Variants in DNAH17 observed in about 807,000 individuals in gnomAD.
DNAH17 encodes dynein axonemal heavy chain 17.
In DNAH17, 376 loss-of-function variants were observed where a neutral mutation model predicts 485.6. The ratio of observed to expected loss-of-function variants is 0.77; its 90% CI spans 0.71 to 0.84. The LOEUF is 0.84. Ranked by LOEUF, DNAH17 falls within the 40% of genes least tolerant of loss-of-function variation. The pLI is 0.00. For synonymous variants in DNAH17, 3,031 were observed against 2,405.9 expected (o/e 1.26, Z -7.60); for missense variants, 6,370 against 5,839.3 (o/e 1.09, Z -2.96).
intron 63 of DNAH17, 121 bp from the exon 64 acceptor site, chr17:78,454,826 T>C: frequency 1.2e-6 from 1 of 808,218 alleles, no homozygotes; most frequent in Non-Finnish European, 1.9e-6. Context: ...CAGGACGACC[T>C]GGGAGAAGCC....
In DNAH17 at chr17:78,505,803, A is replaced by AC. The variant is rs563875155; in HGVS notation, c.4804-359dup. On this transcript the variant is annotated intron_variant, in intron 30 of 80. Transcript: ENST00000389840. Reference sequence around the variant, plus strand: ...AGACCAGCCTGACCAATGTGGAGAAACCCCATCTCTACTAAAAATACAAAC... The same window carrying AC: ...AGACCAGCCTGACCAATGTGGAGAAACCCCCATCTCTACTAAAAATACAAAC... Among the ~76,000 whole-genome samples the AC allele has an allele frequency of 9.2e-5, 14 of 152,022 alleles. No homozygotes were observed. In the East Asian group the frequency reaches 2.7e-3, roughly 30 times the overall value.
At chr17:78,514,601 C>T (rs1412182248) in intron 26 of DNAH17, among the ~76,000 whole-genome samples, 173 bp downstream of exon 26, 1 of 152,118 alleles carries the variant, frequency 6.6e-6, no homozygotes, top group Non-Finnish European at 1.5e-5. Context: ...CCCCAACCAG[C>T]GTGGAGCCCA....
At chr17:78,454,363 A>T in intron 64 of DNAH17, 107 bp downstream of exon 64, 1 of 795,314 alleles carries the variant, frequency 1.3e-6, no homozygotes, top group Non-Finnish European at 2.0e-6. Flanking sequence ...CCTGTGGGCT[A>T]GTACTTGTAT....
chr17:78,507,245 G>A (rs1953720397), intron 29 of DNAH17, 33 bp downstream of exon 29: 1 of 1,609,704 alleles, frequency 6.2e-7, no homozygotes, highest in Admixed American at 1.7e-5. Context: ...CTGCACCACT[G>A]ACTCCCCTGG....
intron 15 of DNAH17, among the ~76,000 whole-genome samples, 180 bp downstream of exon 15, chr17:78,552,512 CTTTTT>C (rs35637364): frequency 1.5e-5 from 2 of 132,412 alleles, no homozygotes; most frequent in Non-Finnish European, 3.2e-5. Flanking sequence ...CACAGATGGG[CTTTTT>C]TTTTTTTTTT....
At chr17:78,447,483 T>C (rs2087358738) in intron 69 of DNAH17, among the ~76,000 whole-genome samples, 1 of 152,224 alleles carries the variant, frequency 6.6e-6, no homozygotes, top group South Asian at 2.1e-4. Context: ...AGCAGGTGGC[T>C]GGGAGCAGGG....
rs750434977 is a variant in DNAH17, at chr17:78,468,640, C to T, written c.8755G>A (p.Glu2919Lys). The T allele has an allele frequency of 7.4e-6, 12 of 1,613,438 alleles. No homozygotes were observed. Among genetic ancestry groups the T allele is most frequent in the East Asian group, 4.5e-5 (2 of 44,896 alleles). ...TRETCWKFFI[E>K]KVRRQLKVIL... ...ACCTTGAGCTGTCTGCGCACTTTTTCGATGAAGAACTTCCAACATGTTTCC... is the reference window on the plus strand; with the variant it reads ...ACCTTGAGCTGTCTGCGCACTTTTTTGATGAAGAACTTCCAACATGTTTCC... Residue 2919 changes from glutamate (E) to lysine (K), a missense_variant, in exon 55 of 81, where the codon GAA becomes AAA. Coordinates refer to ENST00000389840, the MANE Select transcript of DNAH17 (RefSeq NM_173628.4).
intron 1 of DNAH17, 31 bp from the exon 2 acceptor site, chr17:78,575,113 T>C (rs1016288428): frequency 4.9e-6 from 7 of 1,426,818 alleles, no homozygotes; most frequent in Non-Finnish European, 6.6e-6. Context: ...AGGTACGAAC[T>C]GTCTCCCGGG....
Position 78,532,866 on chromosome 17 carries a change from C to T in DNAH17, c.2860-130G>A, listed in dbSNP as rs964989612. Reference sequence around the variant, plus strand: ...GCTTCCAATCTCTCATGATGACCTGCTCTTTTTCCAGCCTGGGCCGATCAC... The same window carrying T: ...GCTTCCAATCTCTCATGATGACCTGTTCTTTTTCCAGCCTGGGCCGATCAC... On this transcript the variant is annotated intron_variant, in intron 19 of 80. Transcript: ENST00000389840. 2.0e-5 allele frequency: 23 copies of T among 1,137,446 alleles called. No individual in the cohort carries two copies. The African/African-American group carries it at 2.5e-4, about 12-fold the overall frequency. 70.5% of individuals were successfully genotyped at this position (1,137,446 alleles called of 1,614,324 possible).
In DNAH17 at chr17:78,459,922, G is replaced by C. The variant is rs1439476128; in HGVS notation, c.9515C>G (p.Thr3172Ser). ...CTTGGGGATCTTGCCCCCAGGTGCG[G>C]TCAGAATCATGACGGCGGCGGTGAC... The part of the protein sequence containing the change: ...VNVTAAVMIL[T>S]APGGKIPKDK... The change falls in exon 60 of 81, where the codon ACC becomes AGC. Residue 3172 changes from threonine to serine, a missense_variant. Coordinates refer to ENST00000389840, the MANE Select transcript of DNAH17 (RefSeq NM_173628.4). The C allele has an allele frequency of 6.2e-7, 1 of 1,613,904 alleles. No individual in the cohort carries two copies. The highest frequency in any genetic ancestry group is 1.3e-5 in the African/African-American group (1 of 74,928).
intron 13 of DNAH17, among the ~76,000 whole-genome samples, chr17:78,559,835 C>A (rs147815747): frequency 0.015 from 2,237 of 152,190 alleles, 29 homozygotes; most frequent in South Asian, 0.025. Flanking sequence ...CACTGGCCTC[C>A]TTGCTGCTCC....
rs536696039 is a variant in DNAH17 at position 78,436,423 on chromosome 17, C to T, written c.12033+1218G>A. On this transcript the variant is annotated intron_variant, in intron 74 of 80. Transcript: ENST00000389840. ...AGCCTGGGCAATAAGAGCGAAACTC[C>T]ATCTCCAAAAAAATAGGGTGTCAAA... is the stretch of plus-strand genomic sequence containing the variant. Among the ~76,000 whole-genome samples, 9 of 151,144 alleles carry T rather than the reference C, an allele frequency of 6.0e-5. 1 individual carries two copies. The East Asian group carries it at 8.0e-4, about 13-fold the overall frequency.
At chr17:78,556,221 A>G (rs2092019906) in intron 14 of DNAH17, among the ~76,000 whole-genome samples, 1 of 152,062 alleles carries the variant, frequency 6.6e-6, no homozygotes, top group African/African-American at 2.4e-5. Flanking sequence ...CGATCTATCT[A>G]TCCATCCATC....
intron 42 of DNAH17, among the ~76,000 whole-genome samples, chr17:78,491,969 A>G (rs2089878257): frequency 6.6e-6 from 1 of 152,162 alleles, no homozygotes; most frequent in Non-Finnish European, 1.5e-5. Flanking sequence ...GAATGGAGCA[A>G]GGTGGGGGCT....
intron 30 of DNAH17, among the ~76,000 whole-genome samples, chr17:78,505,999 A>G (rs2090473206): frequency 6.6e-6 from 1 of 152,080 alleles, no homozygotes; most frequent in Non-Finnish European, 1.5e-5. Context: ...AAATTAATAA[A>G]TAAGATTTCT....
Position 78,429,277 on chromosome 17 carries a change from G to A in DNAH17, c.12249C>T (p.Tyr4083=), listed in dbSNP as rs762150544. Residue 4083 remains tyrosine (Y), a synonymous_variant, in exon 76 of 81, where the codon TAC becomes TAT. Coordinates refer to ENST00000389840, the MANE Select transcript of DNAH17 (RefSeq NM_173628.4). ...NPKVPWDDLR[Y]LFGEIMYGGH... ...CGCCATACATGATTTCACCAAAAAG[G>A]TAGCGGAGATCGTCCCAGGGCACCT... 1 of 1,613,890 alleles carries A rather than the reference G, an allele frequency of 6.2e-7. No individual in the cohort carries two copies. The highest frequency in any genetic ancestry group is 8.5e-7 in the Non-Finnish European group (1 of 1,179,862).
Position 78,468,618 on chromosome 17 carries a change from T to G in DNAH17, c.8777A>C (p.Lys2926Thr), listed in dbSNP as rs191945207. 1.2e-6 allele frequency: 2 copies of G among 1,612,076 alleles called. No individual in the cohort carries two copies. The highest frequency in any genetic ancestry group is 2.2e-5 in the East Asian group (1 of 44,866). ...CCCTGCCGAAGACGGGAGCCCCACCTTGAGCTGTCTGCGCACTTTTTCGAT... is the reference window on the plus strand; with the variant it reads ...CCCTGCCGAAGACGGGAGCCCCACCGTGAGCTGTCTGCGCACTTTTTCGAT... The part of the protein sequence containing the change: ...FFIEKVRRQL[K>T]VILCFSPVGS... The change falls in exon 55 of 81, where the codon AAG becomes ACG. Residue 2926 changes from lysine (K) to threonine (T), a missense_variant and splice_region_variant. Transcript: ENST00000389840.
At position 78,434,166 on chromosome 17, in the gene DNAH17, G is replaced by A. The variant is rs1452028816; in HGVS notation, c.12088C>T (p.Leu4030=). 1 of 1,613,440 alleles carries A rather than the reference G, an allele frequency of 6.2e-7. No individual in the cohort carries two copies. Among genetic ancestry groups the A allele is most frequent in the African/African-American group, 1.3e-5 (1 of 74,934 alleles). ...GCCACCACAGCGTGGAAGTAGCACA[G>A]GGCGAAGAGCATGCACTTGAACTCC... is the stretch of plus-strand genomic sequence containing the variant. ...EMEFKCMLFA[L]CYFHAVVAER... is the part of the protein sequence containing the mutation. The change falls in exon 75 of 81, where the codon CTG becomes TTG. Residue 4030 remains leucine (L), a synonymous_variant. Transcript: ENST00000389840.
chr17:78,438,448 A>AGGAGGG (rs2086937084), intron 73 of DNAH17, among the ~76,000 whole-genome samples: 1 of 84,360 alleles, frequency 1.2e-5, no homozygotes, highest in Non-Finnish European at 2.4e-5. Flanking sequence ...AGGAGGAGGG[A>AGGAGGG]GGAGGGAGGA....
Sources: allele counts gnomAD v4.1 joint callset (sites outside exome capture counted in the v4.1 genomes callset), GRCh38; gene constraint gnomAD v4.1.1; transcripts MANE v1.5; gene names NCBI Gene and HGNC (gene_info 2026-07-23, HGNC 2026-07-21).